BRCA2: variants seen among roughly 807,000 people sequenced by gnomAD.
BRCA2 encodes breast cancer type 2 susceptibility protein.
In BRCA2, 203 loss-of-function variants were observed where a neutral mutation model predicts 276.7. The observed-to-expected ratio is 0.73, with a 90% CI of 0.65 to 0.82. BRCA2 has a LOEUF of 0.82. Ranked by LOEUF, BRCA2 falls within the 40% of genes least tolerant of loss-of-function variation. BRCA2 has a pLI of 0.00. For missense variants in BRCA2, 3,920 were observed against 3,915.0 expected, an observed-to-expected ratio of 1.00 and a Z score of -0.03; for synonymous variants, 1,289 against 1,338.4, an observed-to-expected ratio of 0.96 and a Z score of 0.81.
intron 7 of BRCA2, 22 bp from the exon 8 acceptor site, chr13:32,329,421 C>A (rs2137457980): frequency 6.4e-7 from 1 of 1,552,864 alleles, no homozygotes; most frequent in Non-Finnish European, 8.9e-7. Flanking sequence ...ATATACAATA[C>A]ACATAAATTT....
In BRCA2 at chr13:32,387,742, A is replaced by G. The variant is rs961751722; in HGVS notation, c.9257-6947A>G. ...GTAGATAGCGGTAGAAGGAATAGTG[A>G]AAGTCTTGAAGTCTTTGATCTTTCT... On this transcript the variant is annotated intron_variant, in intron 24 of 26. Coordinates refer to ENST00000380152, the MANE Select transcript of BRCA2 (RefSeq NM_000059.4). Among the ~76,000 whole-genome samples the G allele has an allele frequency of 5.3e-5, 8 of 152,296 alleles. No homozygotes were observed. The East Asian group carries it at 1.5e-3, about 29-fold the overall frequency.
intron 24 of BRCA2, among the ~76,000 whole-genome samples, chr13:32,393,858 C>G (rs1426386592): frequency 6.6e-6 from 1 of 152,096 alleles, no homozygotes; most frequent in East Asian, 1.9e-4. Flanking sequence ...GGGAGTCAGA[C>G]CTGTACAAAA....
In BRCA2 at chr13:32,399,803, G is replaced by A. The variant is rs2073069570; in HGVS notation, c.*1033G>A. ...GTTACGTCCTTTTTTTTTTTTTTTG[G>A]AGATGGAGTCTTGCTTTGTCGCCCA... On this transcript the variant is annotated 3_prime_UTR_variant, in exon 27 of 27. Coordinates refer to ENST00000380152, the MANE Select transcript of BRCA2 (RefSeq NM_000059.4). 1 of 144,560 alleles carries A rather than the reference G, an allele frequency of 6.9e-6. No homozygotes were observed. Among genetic ancestry groups the A allele is most frequent in the African/African-American group, 2.6e-5 (1 of 38,692 alleles). The allele number at this position is 144,560 out of a possible 1,614,324, so 9.0% of individuals were successfully genotyped here. A position where few individuals can be genotyped will look rare whatever the true frequency, so the allele number is the denominator to read the frequency against.
In BRCA2 at chr13:32,362,539, C is replaced by A. The variant is rs879255308; in HGVS notation, c.7822C>A (p.Pro2608Thr). The change falls in exon 17 of 27, where the codon CCA becomes ACA. Residue 2608 changes from proline (P) to threonine (T), a missense_variant. Pro to Thr is a conservative substitution (Grantham distance 38). Transcript: ENST00000380152. ...EEFYRALCDT[P>T]GVDPKLISRI... ...TTTGTTCAGGGCTCTGTGTGACACT[C>A]CAGGTGTGGATCCAAAGCTTATTTC... 6.2e-7 allele frequency: 1 copy of A among 1,613,810 alleles called. No individual in the cohort carries two copies. Among genetic ancestry groups the A allele is most frequent in the South Asian group, 1.1e-5 (1 of 91,076 alleles).
In BRCA2 at chr13:32,338,577, C is replaced by T. The variant is rs80358663; in HGVS notation, c.4222C>T (p.Gln1408Ter). The T allele has an allele frequency of 6.3e-7, 1 of 1,595,496 alleles. No individual in the cohort carries two copies. Among genetic ancestry groups the T allele is most frequent in the Non-Finnish European group, 8.5e-7 (1 of 1,170,794 alleles). Residue 1408 changes from glutamine to a stop codon, truncating the protein, a stop_gained, in exon 11 of 27, where the codon CAG (glutamine) becomes TAG (stop). Coordinates refer to ENST00000380152, the MANE Select transcript of BRCA2 (RefSeq NM_000059.4). LOFTEE classifies it high-confidence loss of function. The part of the protein sequence containing the change: ...ACHGNTSNKE[Q>*]LTATKTEQNI... ...TCATGGTAATACTTCAAATAAAGAA[C>T]AGTTAACTGCTACTAAAACGGAGCA...
In BRCA2 at chr13:32,337,453, A is replaced by T. The variant is rs141702094; in HGVS notation, c.3098A>T (p.Asp1033Val). The change falls in exon 11 of 27, where the codon GAT becomes GTT. Residue 1033 changes from aspartate to valine, a missense_variant. Asp to Val is a radical substitution (Grantham distance 152, BLOSUM62 -3). Around this residue, in one of 2 missense-constraint regions of BRCA2, gnomAD observed 3,263 missense variants for 3,156.9 expected, o/e 1.03. Transcript: ENST00000380152. The part of the protein sequence containing the change: ...NIKKSKMFFK[D>V]IEEQYPTSLA... The stretch of plus-strand genomic sequence containing the variant: ...AAGAAGAGCAAAATGTTCTTCAAAG[A>T]TATTGAAGAACAATATCCTACTAGT... The T allele has an allele frequency of 1.2e-6, 2 of 1,612,234 alleles. No homozygotes were observed. Among genetic ancestry groups the T allele is most frequent in the African/African-American group, 2.7e-5 (2 of 74,868 alleles).
intron 24 of BRCA2, among the ~76,000 whole-genome samples, chr13:32,381,756 A>C (rs2072925648): frequency 6.6e-6 from 1 of 152,126 alleles, no homozygotes. Flanking sequence ...CACTGTGTTG[A>C]GAATAGGCTG....
Position 32,333,396 on chromosome 13 carries a change from G to GT in BRCA2, c.1909+10dup. ...TGCAAATGCTGATTCAGGTACCTCT[G>GT]TCTTTTTTTTTTTGTAAATAGTACA... is the stretch of plus-strand genomic sequence containing the variant. On this transcript the variant is annotated intron_variant, in intron 10 of 26. Coordinates refer to ENST00000380152, the MANE Select transcript of BRCA2 (RefSeq NM_000059.4). 1 of 1,603,720 alleles carries GT rather than the reference G, an allele frequency of 6.2e-7. No homozygotes were observed. Among genetic ancestry groups the GT allele is most frequent in the Non-Finnish European group, 8.5e-7 (1 of 1,177,330 alleles).
intron 24 of BRCA2, among the ~76,000 whole-genome samples, chr13:32,389,836 T>G (rs1249430352): frequency 3.9e-5 from 6 of 152,188 alleles, no homozygotes; most frequent in Admixed American, 3.9e-4. Context: ...GTCACCTGTT[T>G]GGTCCCTGGC....
rs786201583 is a variant in BRCA2 at position 32,362,547 on chromosome 13, G to T, written c.7830G>T (p.Val2610=). 1 of 1,613,342 alleles carries T rather than the reference G, an allele frequency of 6.2e-7. No individual in the cohort carries two copies. Among genetic ancestry groups the T allele is most frequent in the African/African-American group, 1.3e-5 (1 of 74,774 alleles). Residue 2610 remains valine (V), a synonymous_variant, in exon 17 of 27, where the codon GTG becomes GTT. Coordinates refer to ENST00000380152, the MANE Select transcript of BRCA2 (RefSeq NM_000059.4). ...FYRALCDTPG[V]DPKLISRIWV... ...GGGCTCTGTGTGACACTCCAGGTGT[G>T]GATCCAAAGCTTATTTCTAGAATTT... is the stretch of plus-strand genomic sequence containing the variant.
In BRCA2 at chr13:32,395,111, A is replaced by G. The variant is rs206343; in HGVS notation, c.9501+178A>G. 0.16 allele frequency among the ~76,000 whole-genome samples: 23,771 copies of G among 152,184 alleles called. 2,340 individuals carry two copies. The highest frequency in any genetic ancestry group is 0.23 in the South Asian group (1,109 of 4,824). ...ATGGGGGAATGGGGAAATGACAGCAACTAGAAAGAGAAGAATGACTTGAAG... is the reference window on the plus strand; with the variant it reads ...ATGGGGGAATGGGGAAATGACAGCAGCTAGAAAGAGAAGAATGACTTGAAG... On this transcript the variant is annotated intron_variant, in intron 25 of 26. Coordinates refer to ENST00000380152, the MANE Select transcript of BRCA2 (RefSeq NM_000059.4).
intron 18 of BRCA2, among the ~76,000 whole-genome samples, chr13:32,369,560 A>C (rs2072813146): frequency 6.6e-5 from 10 of 152,092 alleles, no homozygotes; most frequent in Admixed American, 6.6e-4. Flanking sequence ...TCTTCAGATT[A>C]TTGTGAAGAT....
At chr13:32,335,081 C>T (rs1258404270) in intron 10 of BRCA2, among the ~76,000 whole-genome samples, 1 of 151,980 alleles carries the variant, frequency 6.6e-6, no homozygotes, top group Non-Finnish European at 1.5e-5. Context: ...CAGTGGCTCA[C>T]GCCTATAATC....
chr13:32,398,657 C>T lies in BRCA2; in HGVS notation c.10144C>T (p.Leu3382=). ...APTSSEDYLR[L]KRRCTTSLIK... ...CACCAGTTCAGAAGATTATCTCAGA[C>T]TGAAACGACGTTGTACTACATCTCT... is the stretch of plus-strand genomic sequence containing the variant. Residue 3382 remains leucine, a synonymous_variant, in exon 27 of 27, where the codon CTG becomes TTG. Transcript: ENST00000380152. The T allele has an allele frequency of 1.2e-6, 2 of 1,614,172 alleles. No homozygotes were observed. The highest frequency in any genetic ancestry group is 2.2e-5 in the South Asian group (2 of 91,084).
At position 32,376,646 on chromosome 13, in the gene BRCA2, TTAA is replaced by T. The variant is rs770871854; in HGVS notation, c.8633-19_8633-17del. ...GCTTTTGAATTTACAGTTTAGTGAA[TTAA>T]TAATCCTTTTGTTTTCTTAGAAAAC... On this transcript the variant is annotated intron_variant, in intron 20 of 26. Coordinates refer to ENST00000380152, the MANE Select transcript of BRCA2 (RefSeq NM_000059.4). 1.9e-6 allele frequency: 3 copies of T among 1,612,326 alleles called. No homozygotes were observed. Among genetic ancestry groups the T allele is most frequent in the African/African-American group, 1.3e-5 (1 of 74,896 alleles).
chr13:32,336,894 A>G lies in BRCA2; in HGVS notation c.2539A>G (p.Arg847Gly), dbSNP rs886040435. ...ATACATGAGAGTAGCATCACCTTCA[A>G]GAAAGGTACAATTCAACCAAAACAC... ...EKYMRVASPSRKVQFNQNTNL... is the reference protein window; with the variant it reads ...EKYMRVASPSGKVQFNQNTNL... Residue 847 changes from arginine (R) to glycine (G), a missense_variant, in exon 11 of 27, where the codon AGA (arginine) becomes GGA (glycine). By Grantham distance (125) the Arg-to-Gly change is moderately radical. Around this residue, in one of 2 missense-constraint regions of BRCA2, gnomAD observed 3,263 missense variants for 3,156.9 expected, o/e 1.03. Coordinates refer to ENST00000380152, the MANE Select transcript of BRCA2 (RefSeq NM_000059.4). 6.2e-7 allele frequency: 1 copy of G among 1,609,512 alleles called. No homozygotes were observed. The highest frequency in any genetic ancestry group is 8.5e-7 in the Non-Finnish European group (1 of 1,178,998).
intron 12 of BRCA2, 88 bp downstream of exon 12, chr13:32,344,741 A>C (rs2137537893): frequency 1.1e-6 from 1 of 933,362 alleles, no homozygotes; most frequent in Non-Finnish European, 1.7e-6. Context: ...CTGCCTCTCA[A>C]AGTGCTGGGA....
chr13:32,364,871 CTT>C (rs941186553), intron 18 of BRCA2, among the ~76,000 whole-genome samples: 1 of 152,134 alleles, frequency 6.6e-6, no homozygotes, highest in Non-Finnish European at 1.5e-5. Context: ...ATTCTTACCT[CTT>C]TTCTGTGTTA....
chr13:32,356,574 G>GA lies in BRCA2; in HGVS notation c.7582_7583insA (p.Gly2528GlufsTer11). The GA allele has an allele frequency of 3.7e-6, 6 of 1,614,212 alleles. No individual in the cohort carries two copies. The highest frequency in any genetic ancestry group is 5.1e-6 in the Non-Finnish European group (6 of 1,180,030). ...TCGAATCTCTCTGAAAGCAGCAGTAGGAGGCCAAGTTCCCTCTGCGTGTTC... is the reference window on the plus strand; with the variant it reads ...TCGAATCTCTCTGAAAGCAGCAGTAGAGAGGCCAAGTTCCCTCTGCGTGTTC... On this transcript the variant is annotated frameshift_variant, in exon 15 of 27. Transcript: ENST00000380152. LOFTEE classifies it high-confidence loss of function.
Sources: gnomAD v4.1 joint callset for allele counts (sites outside exome capture counted in the v4.1 genomes callset) on GRCh38, gnomAD v4.1.1 for gene constraint, gnomAD v4.1.1 regional missense constraint, MANE v1.5 for transcripts, NCBI Gene and HGNC (gene_info 2026-07-23, HGNC 2026-07-21) for gene names.